WDHD1: variants seen among roughly 807,000 people sequenced by gnomAD.
WDHD1 encodes WD repeat and HMG-box DNA binding protein 1.
In WDHD1, 111 loss-of-function variants were observed where a neutral mutation model predicts 135.4. The ratio of observed to expected loss-of-function variants is 0.82; its 90% CI spans 0.70 to 0.96. WDHD1 has a LOEUF of 0.96. Ranked by LOEUF, WDHD1 falls within the 40% of genes least tolerant of loss-of-function variation. The probability of loss-of-function intolerance (pLI) is 0.00; values close to 1 mark genes in which losing one functional copy is unlikely to be tolerated. For missense variants in WDHD1, 1,351 were observed against 1,336.3 expected (o/e 1.01, Z -0.17); for synonymous variants, 434 against 439.0 (o/e 0.99, Z 0.14).
intron 16 of WDHD1, among the ~76,000 whole-genome samples, chr14:54,976,258 A>T (rs2041522541): frequency 6.6e-6 from 1 of 152,200 alleles, no homozygotes. Context: ...TTTTAGAGAC[A>T]AAGTCTCCTT....
chr14:54,995,890 T>C lies in WDHD1; in HGVS notation c.943-77A>G, dbSNP rs1263349228. 4.4e-6 allele frequency: 5 copies of C among 1,147,096 alleles called. No homozygotes were observed. In the East Asian group the frequency reaches 1.3e-4, roughly 30 times the overall value. The allele number at this position is 1,147,096 out of a possible 1,614,324, so 71.1% of individuals were successfully genotyped here. A position where few individuals can be genotyped will look rare whatever the true frequency, so the allele number is the denominator to read the frequency against. ...CTCAATTACTAAAAAGGTAAACTTT[T>C]AATATGCACCTATAAATTCTACCAA... is the stretch of plus-strand genomic sequence containing the variant. On this transcript the variant is annotated intron_variant, in intron 10 of 25. Transcript: ENST00000360586.
At position 54,941,354 on chromosome 14, in the gene WDHD1, C is replaced by T. The variant is rs1437679126; in HGVS notation, c.*136G>A. 10 of 700,166 alleles carry T rather than the reference C, an allele frequency of 1.4e-5. No individual in the cohort carries two copies. The highest frequency in any genetic ancestry group is 1.8e-5 in the African/African-American group (1 of 55,784). The allele number at this position is 700,166 out of a possible 1,614,324, so 43.4% of individuals were successfully genotyped here. A position where few individuals can be genotyped will look rare whatever the true frequency, so the allele number is the denominator to read the frequency against. On this transcript the variant is annotated 3_prime_UTR_variant, in exon 26 of 26. Transcript: ENST00000360586. ...GTTACCTACACCAATATAATTACTA[C>T]ATTATCTTATAAAGACAAACAGTTG...
chr14:54,957,634 A>C lies in WDHD1; in HGVS notation c.2703T>G (p.Gly901=). Residue 901 remains glycine, a splice_region_variant and synonymous_variant, in exon 22 of 26, where the codon GGT becomes GGG. Coordinates refer to ENST00000360586, the MANE Select transcript of WDHD1 (RefSeq NM_007086.4). ...TNSSDVSAKS[G]AVTFSSQGRV... ...GTCCTTGGCTGCTAAAGGTAACTGC[A>C]CCTTTCACAAAAAAGAAACCCTTGC... The C allele has an allele frequency of 6.2e-7, 1 of 1,606,430 alleles. No individual in the cohort carries two copies. The highest frequency in any genetic ancestry group is 8.5e-7 in the Non-Finnish European group (1 of 1,178,034).
At chr14:54,992,994 G>C (rs768146033) in intron 11 of WDHD1, among the ~76,000 whole-genome samples, 2 of 152,076 alleles carry the variant, frequency 1.3e-5, no homozygotes, top group African/African-American at 2.4e-5. Flanking sequence ...ATAATAAAAA[G>C]TGTCAGTATA....
At chr14:54,990,921 G>T (rs1472122891) in intron 12 of WDHD1, among the ~76,000 whole-genome samples, 1 of 152,048 alleles carries the variant, frequency 6.6e-6, no homozygotes, top group African/African-American at 2.4e-5. Flanking sequence ...TGAAGAATAA[G>T]GTTTGAAAGT....
intron 14 of WDHD1, among the ~76,000 whole-genome samples, chr14:54,985,745 A>C (rs2041685268): frequency 6.6e-6 from 1 of 152,228 alleles, no homozygotes; most frequent in African/African-American, 2.4e-5. Context: ...AGGTTGTATT[A>C]GCAGAAGAAA....
chr14:55,008,818 T>G, intron 4 of WDHD1, 99 bp from the exon 5 acceptor site: 1 of 915,986 alleles, frequency 1.1e-6, no homozygotes, highest in South Asian at 1.8e-5. Flanking sequence ...TTTTTCTTTT[T>G]GAGACGGAGT....
intron 12 of WDHD1, 110 bp downstream of exon 12, chr14:54,991,103 G>A: frequency 3.4e-6 from 2 of 591,946 alleles, no homozygotes; most frequent in Non-Finnish European, 6.0e-6. Context: ...AAGTGCTCCA[G>A]GCTACTTAAT....
At chr14:55,013,379 T>C in intron 3 of WDHD1, 106 bp downstream of exon 3, 1 of 725,514 alleles carries the variant, frequency 1.4e-6, no homozygotes, top group Non-Finnish European at 2.2e-6. Flanking sequence ...TATTATTTCA[T>C]GAGATAAACA....
chr14:54,998,327 G>C (rs2041920085), intron 10 of WDHD1, among the ~76,000 whole-genome samples: 1 of 151,848 alleles, frequency 6.6e-6, no homozygotes, highest in East Asian at 1.9e-4. Context: ...ACGGGGTTTC[G>C]TCATGTTGGC....
At chr14:55,008,535 T>G in intron 5 of WDHD1, 73 bp downstream of exon 5, 1 of 1,479,990 alleles carries the variant, frequency 6.8e-7, no homozygotes, top group Non-Finnish European at 9.2e-7. Context: ...GAAAATTTTT[T>G]AGAGAGTTAG....
chr14:55,001,165 A>G (rs2041974942), intron 8 of WDHD1, among the ~76,000 whole-genome samples, 173 bp from the exon 9 acceptor site: 1 of 152,184 alleles, frequency 6.6e-6, no homozygotes, highest in Admixed American at 6.5e-5. Context: ...TATTCGATAC[A>G]AGACAAAGTT....
Position 54,984,751 on chromosome 14 carries a change from G to C in WDHD1, c.1878C>G (p.Tyr626Ter), listed in dbSNP as rs757648868. The change falls in exon 15 of 26, where the codon TAC (tyrosine) becomes TAG (stop). Residue 626 changes from tyrosine (Y) to a stop codon, truncating the protein, a stop_gained. Coordinates refer to ENST00000360586, the MANE Select transcript of WDHD1 (RefSeq NM_007086.4). LOFTEE classifies it high-confidence loss of function. ...GDPLPLTRKS[Y>*]LAWIGFSAEG... is the part of the protein sequence containing the mutation. Reference sequence around the variant, plus strand: ...CAGCTGAAAACCCAATCCATGCAAGGTAGGATTTCCTTGTAAGAGGAAGAG... The same window carrying C: ...CAGCTGAAAACCCAATCCATGCAAGCTAGGATTTCCTTGTAAGAGGAAGAG... 2 of 1,613,178 alleles carry C rather than the reference G, an allele frequency of 1.2e-6. No homozygotes were observed. The highest frequency in any genetic ancestry group is 1.7e-6 in the Non-Finnish European group (2 of 1,179,754).
chr14:54,997,507 T>C (rs1398539279), intron 10 of WDHD1, among the ~76,000 whole-genome samples: 1 of 152,226 alleles, frequency 6.6e-6, no homozygotes, highest in African/African-American at 2.4e-5. Context: ...ATACTTGATA[T>C]GAGTAAATTA....
intron 22 of WDHD1, 76 bp downstream of exon 22, chr14:54,957,516 C>A: frequency 7.8e-7 from 1 of 1,283,654 alleles, no homozygotes; most frequent in South Asian, 1.4e-5. Flanking sequence ...TGGGGAGAGT[C>A]ATCTCATCAT....
intron 16 of WDHD1, among the ~76,000 whole-genome samples, chr14:54,980,926 C>A (rs1466147316): frequency 6.6e-6 from 1 of 151,230 alleles, no homozygotes; most frequent in Non-Finnish European, 1.5e-5. Context: ...CTGGCTAACA[C>A]GGTGAAACCC....
At chr14:55,011,501 G>T (rs1265470497) in intron 3 of WDHD1, among the ~76,000 whole-genome samples, 1 of 103,246 alleles carries the variant, frequency 9.7e-6, no homozygotes, top group African/African-American at 3.5e-5. Context: ...TCCAGCCTAG[G>T]CAACAAGAGT....
At chr14:54,964,917 G>A (rs573649642) in intron 18 of WDHD1, among the ~76,000 whole-genome samples, 1 of 152,340 alleles carries the variant, frequency 6.6e-6, no homozygotes, top group South Asian at 2.1e-4. Flanking sequence ...AAGGCTACTA[G>A]TTCCTGGACC....
Position 54,991,314 on chromosome 14 carries a change from CAA to C in WDHD1, c.1238_1239del (p.Leu413ArgfsTer9). Reference sequence around the variant, plus strand: ...TCATAAAATGGCCTTTGGGATGTTACAAGTGGTAGATTGTGAATGCTGCCTTC... The same window carrying C: ...TCATAAAATGGCCTTTGGGATGTTACGTGGTAGATTGTGAATGCTGCCTTC... ...GQEGSIHNLP[L>X]VTSQRPFYDG... On this transcript the variant is annotated frameshift_variant, in exon 12 of 26. Coordinates refer to ENST00000360586, the MANE Select transcript of WDHD1 (RefSeq NM_007086.4). LOFTEE classifies it high-confidence loss of function. 6.2e-7 allele frequency: 1 copy of C among 1,614,068 alleles called. No homozygotes were observed. Among genetic ancestry groups the C allele is most frequent in the South Asian group, 1.1e-5 (1 of 91,080 alleles).
Sources: allele counts gnomAD v4.1 joint callset (sites outside exome capture counted in the v4.1 genomes callset), GRCh38; gene constraint gnomAD v4.1.1; transcripts MANE v1.5; gene names NCBI Gene and HGNC (gene_info 2026-07-23, HGNC 2026-07-21).